ESYT2: variants seen among roughly 807,000 people sequenced by gnomAD.
ESYT2 encodes the protein extended synaptotagmin-2.
A neutral mutation model predicts 107.2 loss-of-function variants in ESYT2; 54 were observed. The ratio of observed to expected loss-of-function variants is 0.50; its 90% CI spans 0.40 to 0.63. The LOEUF (loss-of-function observed/expected upper bound fraction) is 0.63. Ranked by LOEUF, ESYT2 falls within the 30% of genes least tolerant of loss-of-function variation. The pLI is 0.00. For missense variants in ESYT2, 1,020 were observed against 1,094.5 expected, an observed-to-expected ratio of 0.93 and a Z score of 0.96; for synonymous variants, 491 against 434.1, an observed-to-expected ratio of 1.13 and a Z score of -1.63.
At chr7:158,745,712 T>C (rs1837380555) in intron 16 of ESYT2, among the ~76,000 whole-genome samples, 1 of 151,070 alleles carries the variant, frequency 6.6e-6, no homozygotes. Flanking sequence ...TCCCCAAACA[T>C]ATGGAAACTA....
intron 6 of ESYT2, among the ~76,000 whole-genome samples, chr7:158,776,045 A>G (rs1363726596): frequency 6.6e-6 from 1 of 152,214 alleles, no homozygotes; most frequent in African/African-American, 2.4e-5. Context: ...GACCAGGTGC[A>G]CTGCTGATGA....
intron 13 of ESYT2, among the ~76,000 whole-genome samples, chr7:158,756,978 C>CA (rs1837780359): frequency 7.6e-6 from 1 of 130,924 alleles, no homozygotes; most frequent in Admixed American, 7.4e-5. Context: ...TGAAACTTTA[C>CA]AAAAAAATTT....
chr7:158,787,972 G>C, intron 6 of ESYT2, 32 bp downstream of exon 6: 1 of 1,576,598 alleles, frequency 6.3e-7, no homozygotes, highest in Non-Finnish European at 8.7e-7. Flanking sequence ...CCACCAAATG[G>C]GAAAATAAAA....
At chr7:158,747,615 T>C (rs1271508533) in intron 16 of ESYT2, among the ~76,000 whole-genome samples, 1 of 152,178 alleles carries the variant, frequency 6.6e-6, no homozygotes, top group Non-Finnish European at 1.5e-5. Flanking sequence ...GGTGGGAATG[T>C]GACACGGCAC....
At chr7:158,762,909 C>T (rs1043826974) in intron 10 of ESYT2, among the ~76,000 whole-genome samples, 174 bp downstream of exon 10, 37 of 152,228 alleles carry the variant, frequency 2.4e-4, no homozygotes, top group African/African-American at 8.2e-4. Flanking sequence ...AAATGTGAAA[C>T]TTTTAGGAAT....
Position 158,733,701 on chromosome 7 carries a change from A to C in ESYT2, c.*506T>G, listed in dbSNP as rs746213722. 1.3e-5 allele frequency: 2 copies of C among 152,520 alleles called. No homozygotes were observed. Among genetic ancestry groups the C allele is most frequent in the Non-Finnish European group, 2.9e-5 (2 of 68,122 alleles). The allele number at this position is 152,520 out of a possible 1,614,324, so 9.4% of individuals were successfully genotyped here. A position where few individuals can be genotyped will look rare whatever the true frequency, so the allele number is the denominator to read the frequency against. On this transcript the variant is annotated 3_prime_UTR_variant, in exon 23 of 23. Coordinates refer to ENST00000275418, the MANE Select transcript of ESYT2 (RefSeq NM_001367773.1). ...TTTCAGCTTTTCTTTTCAAAAAGAA[A>C]CACCACAAAATAGGTCACTGAGAAC...
rs182861915 is a variant in ESYT2, at chr7:158,743,461, C to A, written c.1794+68G>T. 2,903 of 1,554,102 alleles carry A rather than the reference C, an allele frequency of 1.9e-3. 48 individuals carry two copies. The African/African-American group carries it at 0.036, about 20-fold the overall frequency. On this transcript the variant is annotated intron_variant, in intron 17 of 22. Coordinates refer to ENST00000275418, the MANE Select transcript of ESYT2 (RefSeq NM_001367773.1). ...TCTTCACCGGCCTCATGCCCGGGGC[C>A]CATGAGTATCCCTGCCAGCACCCGC...
intron 6 of ESYT2, among the ~76,000 whole-genome samples, chr7:158,781,997 G>A (rs1428957000): frequency 6.7e-6 from 1 of 150,228 alleles, no homozygotes; most frequent in Admixed American, 6.6e-5. Flanking sequence ...GTGTAATTAC[G>A]AGAACAAGTG....
intron 6 of ESYT2, among the ~76,000 whole-genome samples, chr7:158,782,551 A>T (rs978323918): frequency 8.2e-5 from 9 of 110,280 alleles, no homozygotes; most frequent in African/African-American, 2.9e-4. Flanking sequence ...GAGTGTGAGA[A>T]GCAGCGGGAA....
At chr7:158,756,578 A>T (rs992910918) in intron 13 of ESYT2, among the ~76,000 whole-genome samples, 2 of 152,168 alleles carry the variant, frequency 1.3e-5, no homozygotes, top group Non-Finnish European at 2.9e-5. Context: ...GGGTTTTCAA[A>T]GAAGGCCCTA....
intron 6 of ESYT2, among the ~76,000 whole-genome samples, chr7:158,785,988 G>C (rs113274789): frequency 0.024 from 3,633 of 152,192 alleles, 138 homozygotes; most frequent in African/African-American, 0.083. Context: ...GAATTACTTG[G>C]CAGCCAGCTG....
intron 11 of ESYT2, 53 bp downstream of exon 11, chr7:158,761,443 G>A: frequency 1.3e-6 from 2 of 1,560,452 alleles, no homozygotes; most frequent in Non-Finnish European, 1.8e-6. Context: ...TCTGGCACAG[G>A]GCAGGGACTC....
At chr7:158,743,776 G>A (rs1043278103) in intron 16 of ESYT2, 98 bp from the exon 17 acceptor site, 1 of 1,341,080 alleles carries the variant, frequency 7.5e-7, no homozygotes, top group Non-Finnish European at 9.8e-7. Context: ...CTCAGAGATA[G>A]GAACTTAGAA....
At chr7:158,751,016 C>A (rs925957137) in intron 14 of ESYT2, among the ~76,000 whole-genome samples, 1 of 152,220 alleles carries the variant, frequency 6.6e-6, no homozygotes, top group African/African-American at 2.4e-5. Flanking sequence ...CACTTCATCT[C>A]TGAAAAAGTG....
At chr7:158,745,922 C>A (rs1216994707) in intron 16 of ESYT2, among the ~76,000 whole-genome samples, 2 of 151,734 alleles carry the variant, frequency 1.3e-5, no homozygotes, top group African/African-American at 2.4e-5. Context: ...CTTTAAGAAA[C>A]TAGAAAAAGA....
At chr7:158,802,256 T>C (rs1424583894) in intron 1 of ESYT2, among the ~76,000 whole-genome samples, 2 of 152,246 alleles carry the variant, frequency 1.3e-5, no homozygotes, top group African/African-American at 4.8e-5. Context: ...CAGGATTTTA[T>C]TGTTCATAAA....
chr7:158,784,273 T>C (rs1259812996), intron 6 of ESYT2, among the ~76,000 whole-genome samples: 1 of 152,254 alleles, frequency 6.6e-6, no homozygotes, highest in Non-Finnish European at 1.5e-5. Context: ...AGTCTGTGGA[T>C]GTGCCTGTGG....
At chr7:158,803,245 G>A (rs73525621) in intron 1 of ESYT2, among the ~76,000 whole-genome samples, 123 of 152,388 alleles carry the variant, frequency 8.1e-4, no homozygotes, top group African/African-American at 2.9e-3. Context: ...CACTTGGCTA[G>A]TTCTACGTTA....
intron 1 of ESYT2, among the ~76,000 whole-genome samples, chr7:158,801,053 G>T (rs922518019): frequency 6.6e-6 from 1 of 152,168 alleles, no homozygotes; most frequent in Non-Finnish European, 1.5e-5. Context: ...GAGCACGGGA[G>T]GAGGCGGCAC....
Sources: gnomAD v4.1 joint callset for allele counts (sites outside exome capture counted in the v4.1 genomes callset) on GRCh38, gnomAD v4.1.1 for gene constraint, MANE v1.5 for transcripts, NCBI Gene and HGNC (gene_info 2026-07-23, HGNC 2026-07-21) for gene names.